The following DLEC1 variants were observed in gnomAD, a reference collection of about 807,000 sequenced individuals.
DLEC1 encodes the protein DLEC1 cilia and flagella associated protein, also known as deleted in lung and esophageal cancer protein 1.
In DLEC1, 146 loss-of-function variants were observed where a neutral mutation model predicts 198.1. That is an observed-to-expected ratio of 0.74 (90% CI 0.64 to 0.85). The LOEUF is 0.85. DLEC1 is among the 40% of genes least tolerant of loss of function. The pLI is 0.00. For missense variants in DLEC1, 2,233 were observed against 2,220.0 expected (o/e 1.01, Z -0.12); for synonymous variants, 897 against 866.8 (o/e 1.03, Z -0.61).
chr3:38,109,310 C>A (rs1270004283), intron 21 of DLEC1, 122 bp from the exon 22 acceptor site: 2 of 1,421,494 alleles, frequency 1.4e-6, no homozygotes, highest in East Asian at 4.6e-5. Flanking sequence ...ACTGGAGGGA[C>A]TGGAGATGAG....
Position 38,122,198 on chromosome 3 carries a change from CA to C in DLEC1, c.5144+5del. 6.2e-7 allele frequency: 1 copy of C among 1,613,394 alleles called. No homozygotes were observed. Among genetic ancestry groups the C allele is most frequent in the Non-Finnish European group, 8.5e-7 (1 of 1,179,552 alleles). The stretch of plus-strand genomic sequence containing the variant: ...TGCAGGTTTTCTTCACTGCCAGGTG[CA>C]GCCCCTTCCAACCTTCCCCAAACTG... On this transcript the variant is annotated splice_donor_5th_base_variant and intron_variant, in intron 36 of 36. Transcript: ENST00000308059.
chr3:38,039,618 C>T lies in DLEC1; in HGVS notation c.393C>T (p.Phe131=). 2 of 1,605,374 alleles carry T rather than the reference C, an allele frequency of 1.2e-6. No individual in the cohort carries two copies. Among genetic ancestry groups the T allele is most frequent in the South Asian group, 2.2e-5 (2 of 90,710 alleles). The part of the protein sequence containing the change: ...RGSENERHEE[F]VDQLQQIREL... ...GCGAGAATGAGCGCCACGAGGAGTT[C>T]GTGGACCAGCTGCAGCAGGTAACGT... Residue 131 remains phenylalanine, a synonymous_variant, in exon 1 of 37, where the codon TTC becomes TTT. Transcript: ENST00000308059.
intron 6 of DLEC1, among the ~76,000 whole-genome samples, chr3:38,075,571 G>A (rs1697563700): frequency 6.6e-6 from 1 of 151,828 alleles, no homozygotes. Flanking sequence ...GAGGGAAGGG[G>A]TTCGGGGGTT....
chr3:38,117,561 G>A lies in DLEC1; in HGVS notation c.4435G>A (p.Glu1479Lys). 1 of 1,614,168 alleles carries A rather than the reference G, an allele frequency of 6.2e-7. No homozygotes were observed. The highest frequency in any genetic ancestry group is 8.5e-7 in the Non-Finnish European group (1 of 1,179,996). The change falls in exon 32 of 37, where the codon GAA (glutamate) becomes AAA (lysine). Residue 1479 changes from glutamate (E) to lysine (K), a missense_variant. Glu to Lys is a moderately conservative substitution (Grantham distance 56, BLOSUM62 1). Coordinates refer to ENST00000308059, the MANE Select transcript of DLEC1 (RefSeq NM_007335.4). Reference sequence around the variant, plus strand: ...GGAGCTGGACTACGGCGGCAGTATGGAATTCCAGTGCCAGGCCAGTGACCT... The same window carrying A: ...GGAGCTGGACTACGGCGGCAGTATGAAATTCCAGTGCCAGGCCAGTGACCT... The part of the protein sequence containing the change: ...SVELDYGGSM[E>K]FQCQASDLIP...
intron 10 of DLEC1, among the ~76,000 whole-genome samples, chr3:38,091,201 G>A (rs1385094734): frequency 1.3e-5 from 2 of 152,158 alleles, no homozygotes; most frequent in South Asian, 2.1e-4. Flanking sequence ...ATAGGGGCCA[G>A]GTGCGGTGGC....
intron 14 of DLEC1, 93 bp downstream of exon 14, chr3:38,096,039 TG>T: frequency 6.9e-7 from 1 of 1,451,964 alleles, no homozygotes; most frequent in Admixed American, 1.8e-5. Flanking sequence ...TGAGGGGGAG[TG>T]GGCAGCCTGG....
intron 2 of DLEC1, 146 bp from the exon 3 acceptor site, chr3:38,059,596 T>G: frequency 1.5e-6 from 1 of 657,870 alleles, no homozygotes. Flanking sequence ...ACTTGATGAG[T>G]TTCTTAAATC....
chr3:38,095,925 A>G lies in DLEC1; in HGVS notation c.2150A>G (p.Glu717Gly). Reference protein sequence around the residue: ...DFHSVLQMVLEEVPEPVSSEA... With the variant: ...DFHSVLQMVLGEVPEPVSSEA... ...CACAGTGTGCTCCAGATGGTGCTAG[A>G]GGAAGTCCCAGAGCCTGTAAGGTGA... The change falls in exon 14 of 37, where the codon GAG (glutamate) becomes GGG (glycine). Residue 717 changes from glutamate to glycine, a missense_variant. Glu to Gly is a moderately conservative substitution (Grantham distance 98). Coordinates refer to ENST00000308059, the MANE Select transcript of DLEC1 (RefSeq NM_007335.4). 9 of 1,613,802 alleles carry G rather than the reference A, an allele frequency of 5.6e-6. No homozygotes were observed. The highest frequency in any genetic ancestry group is 7.6e-6 in the Non-Finnish European group (9 of 1,180,004).
intron 9 of DLEC1, among the ~76,000 whole-genome samples, chr3:38,087,760 CT>C (rs1698542708): frequency 6.6e-6 from 1 of 152,344 alleles, no homozygotes; most frequent in South Asian, 2.1e-4. Context: ...TGACCAGGGT[CT>C]TGTAGGCATG....
In DLEC1 at chr3:38,116,624, G is replaced by A; in HGVS notation, c.4028G>A (p.Ser1343Asn). Residue 1343 changes from serine to asparagine, a missense_variant, in exon 28 of 37, where the codon AGT becomes AAT. Coordinates refer to ENST00000308059, the MANE Select transcript of DLEC1 (RefSeq NM_007335.4). ...CTCCTCTGGTCCCCAGGCCCCTCCA[G>A]TTCATCGGAATTCAGCCATGAAACT... ...GCLLWSPGPS[S>N]SSEFSHETDS... is the part of the protein sequence containing the mutation. 1 of 1,614,100 alleles carries A rather than the reference G, an allele frequency of 6.2e-7. No homozygotes were observed. The highest frequency in any genetic ancestry group is 2.2e-5 in the East Asian group (1 of 44,868).
At chr3:38,117,666 C>G (rs946790522) in intron 32 of DLEC1, 55 bp downstream of exon 32, 2 of 1,611,922 alleles carry the variant, frequency 1.2e-6, no homozygotes, top group Non-Finnish European at 1.7e-6. Context: ...TCAGATGTCT[C>G]TGTGTGCCCT....
intron 8 of DLEC1, among the ~76,000 whole-genome samples, chr3:38,085,783 C>T (rs911697589): frequency 6.6e-6 from 1 of 152,116 alleles, no homozygotes; most frequent in African/African-American, 2.4e-5. Context: ...TGCCTGTGCA[C>T]CCTGAGGAGT....
chr3:38,109,750 C>A, intron 22 of DLEC1, 188 bp downstream of exon 22: 4 of 1,005,478 alleles, frequency 4.0e-6, no homozygotes, highest in Non-Finnish European at 5.7e-6. Context: ...CATCCCTGCC[C>A]TCTGTGTGGT....
intron 3 of DLEC1, among the ~76,000 whole-genome samples, chr3:38,060,174 C>T (rs983968285): frequency 2.6e-5 from 4 of 152,174 alleles, no homozygotes; most frequent in African/African-American, 7.2e-5. Flanking sequence ...CATAGAAAAG[C>T]AAGGGAGCGT....
chr3:38,068,086 A>G (rs1415300641), intron 6 of DLEC1, among the ~76,000 whole-genome samples: 1 of 152,126 alleles, frequency 6.6e-6, no homozygotes, highest in Non-Finnish European at 1.5e-5. Context: ...GTATCCTAGC[A>G]AGCAAGAAGG....
In DLEC1 at chr3:38,055,080, G is replaced by C. The variant is rs1696286735; in HGVS notation, c.563-4662G>C. On this transcript the variant is annotated intron_variant, in intron 2 of 36. Coordinates refer to ENST00000308059, the MANE Select transcript of DLEC1 (RefSeq NM_007335.4). ...GTGGGTTTAACAACAGGCCCATTTT[G>C]GCTAGAGATTTTGAATTAGTAGATG... 5.9e-5 allele frequency among the ~76,000 whole-genome samples: 9 copies of C among 152,302 alleles called. No individual in the cohort carries two copies. In the South Asian group the frequency reaches 1.9e-3, roughly 32 times the overall value.
At chr3:38,088,612 A>G (rs1349766432) in intron 10 of DLEC1, among the ~76,000 whole-genome samples, 1 of 152,158 alleles carries the variant, frequency 6.6e-6, no homozygotes, top group African/African-American at 2.4e-5. Context: ...CACATCACAA[A>G]CCTGAGCCTT....
At chr3:38,044,752 C>G (rs925517174) in intron 1 of DLEC1, among the ~76,000 whole-genome samples, 1 of 152,188 alleles carries the variant, frequency 6.6e-6, no homozygotes, top group Non-Finnish European at 1.5e-5. Context: ...GAGCTCTCTG[C>G]TTCTTGCCTC....
At chr3:38,051,527 G>T (rs1342001769) in intron 2 of DLEC1, among the ~76,000 whole-genome samples, 3 of 152,376 alleles carry the variant, frequency 2.0e-5, no homozygotes, top group East Asian at 1.9e-4. Flanking sequence ...ACGACCATCA[G>T]TGAGTGACCA....
Sources: allele counts gnomAD v4.1 joint callset (sites outside exome capture counted in the v4.1 genomes callset), GRCh38; gene constraint gnomAD v4.1.1; transcripts MANE v1.5; gene names NCBI Gene and HGNC (gene_info 2026-07-23, HGNC 2026-07-21).